The following RHCG variants were observed in gnomAD, a reference collection of about 807,000 sequenced individuals.
RHCG encodes the protein Rh family C glycoprotein.
A neutral mutation model predicts 55.3 loss-of-function variants in RHCG; 39 were observed. The ratio of observed to expected loss-of-function variants is 0.70; its 90% CI spans 0.55 to 0.92. The LOEUF (loss-of-function observed/expected upper bound fraction) is 0.92, where lower values mean the gene tolerates loss of function less well. Among genes scored for constraint, RHCG ranks in the 40% least tolerant of loss-of-function variants. RHCG has a pLI of 0.00. For missense variants in RHCG, 635 were observed against 627.9 expected, an observed-to-expected ratio of 1.01 and a Z score of -0.12; for synonymous variants, 250 against 246.8, an observed-to-expected ratio of 1.01 and a Z score of -0.12.
chr15:89,480,214 C>T (rs753600684), intron 4 of RHCG, 47 bp downstream of exon 4: 2 of 1,611,126 alleles, frequency 1.2e-6, no homozygotes, highest in African/African-American at 1.3e-5. Context: ...CCATCATGGC[C>T]ACCTTCACCC....
At chr15:89,472,319 T>G in intron 10 of RHCG, among the ~76,000 whole-genome samples, 1 of 152,248 alleles carries the variant, frequency 6.6e-6, no homozygotes, top group African/African-American at 2.4e-5. Flanking sequence ...GTGGGTCTCA[T>G]CTGAGCTGAG....
At chr15:89,478,620 C>G (rs972316599) in intron 5 of RHCG, among the ~76,000 whole-genome samples, 1 of 152,148 alleles carries the variant, frequency 6.6e-6, no homozygotes, top group Admixed American at 6.5e-5. Context: ...TGACCCTATT[C>G]CATGTCCCTT....
intron 2 of RHCG, chr15:89,486,416 G>T: frequency 2.2e-6 from 1 of 457,848 alleles, no homozygotes; most frequent in Non-Finnish European, 4.4e-6. Context: ...GCCGGGCCCG[G>T]TCGGACCCTG....
rs973255701 is a variant in RHCG at position 89,480,269 on chromosome 15, G to A, written c.662C>T (p.Ala221Val). The A allele has an allele frequency of 4.3e-6, 7 of 1,613,896 alleles. No homozygotes were observed. The highest frequency in any genetic ancestry group is 1.3e-5 in the African/African-American group (1 of 74,900). The change falls in exon 4 of 11, where the codon GCC becomes GTC. Residue 221 changes from alanine to valine, a missense_variant. Physicochemically the swap from Ala to Val is moderately conservative, Grantham distance 64. Transcript: ENST00000268122. Reference protein sequence around the residue: ...QNSVYQSDLFAMIGTLFLWMY... With the variant: ...QNSVYQSDLFVMIGTLFLWMY... ...ATGATGGCAGTTCTCACCAATCATG[G>A]CAAAGAGGTCCGACTGGTACACAGA...
In RHCG at chr15:89,479,372, T is replaced by C. The variant is rs917387413; in HGVS notation, c.787A>G (p.Thr263Ala). The part of the protein sequence containing the change: ...TYCSLAACVL[T>A]SVAISSALHK... ...AGGGCACTGGATATTGCCACCGAGG[T>C]AAGCACGCAGGCTGCCAAGGAGCAG... The change falls in exon 5 of 11, where the codon ACC (threonine) becomes GCC (alanine). Residue 263 changes from threonine to alanine, a missense_variant. Coordinates refer to ENST00000268122, the MANE Select transcript of RHCG (RefSeq NM_016321.3). The C allele has an allele frequency of 8.7e-6, 14 of 1,614,002 alleles. No homozygotes were observed. The highest frequency in any genetic ancestry group is 1.2e-5 in the Non-Finnish European group (14 of 1,180,042).
chr15:89,474,776 TCCTG>T (rs1210719136), intron 9 of RHCG, among the ~76,000 whole-genome samples: 4 of 146,044 alleles, frequency 2.7e-5, no homozygotes, highest in Non-Finnish European at 4.5e-5. Context: ...CTTCCTTCCT[TCCTG>T]CCTGCCTTCC....
chr15:89,496,338 G>T (rs376507220), intron 1 of RHCG, 23 bp downstream of exon 1: 5 of 1,612,708 alleles, frequency 3.1e-6, no homozygotes, highest in East Asian at 2.2e-5. Context: ...GCCTCCGCTG[G>T]GCCTGCAGGC....
At chr15:89,483,324 T>C (rs1296438208) in intron 2 of RHCG, 107 bp from the exon 3 acceptor site, 2 of 1,064,156 alleles carry the variant, frequency 1.9e-6, no homozygotes, top group Non-Finnish European at 2.6e-6. Context: ...TTAACCTTTC[T>C]GAGCTTCAGT....
chr15:89,495,919 G>C (rs1408343770), intron 1 of RHCG, among the ~76,000 whole-genome samples: 1 of 152,198 alleles, frequency 6.6e-6, no homozygotes, highest in African/African-American at 2.4e-5. Context: ...CAAGCTAAAA[G>C]GGGGTGGGTG....
At chr15:89,483,772 C>T (rs1961310807) in intron 2 of RHCG, among the ~76,000 whole-genome samples, 1 of 152,054 alleles carries the variant, frequency 6.6e-6, no homozygotes, top group African/African-American at 2.4e-5. Context: ...GGGGGGCCTT[C>T]CTGCAGGAAG....
chr15:89,483,971 C>T (rs956825677), intron 2 of RHCG, among the ~76,000 whole-genome samples: 4 of 152,198 alleles, frequency 2.6e-5, no homozygotes, highest in Admixed American at 6.5e-5. Flanking sequence ...CATCCATGTG[C>T]CCACTTTGCC....
At chr15:89,495,630 T>G (rs541392665) in intron 1 of RHCG, among the ~76,000 whole-genome samples, 2 of 152,180 alleles carry the variant, frequency 1.3e-5, no homozygotes, top group African/African-American at 4.8e-5. Flanking sequence ...TGCTCCATTA[T>G]GAAGAAAGGA....
At chr15:89,481,088 C>T (rs1961258121) in intron 3 of RHCG, among the ~76,000 whole-genome samples, 1 of 152,192 alleles carries the variant, frequency 6.6e-6, no homozygotes, top group African/African-American at 2.4e-5. Flanking sequence ...TAGCAGATGC[C>T]TCTACTAGCT....
At chr15:89,478,974 C>T (rs1229279056) in intron 5 of RHCG, among the ~76,000 whole-genome samples, 1 of 152,102 alleles carries the variant, frequency 6.6e-6, no homozygotes, top group African/African-American at 2.4e-5. Flanking sequence ...GTAGCCTGCA[C>T]CTGCAGTCCC....
chr15:89,486,720 C>T lies in RHCG; in HGVS notation c.371+79G>A. The stretch of plus-strand genomic sequence containing the variant: ...CAAGCCCGGGTCCCGCCGATGGGCA[C>T]GCCCTCCTCCCTCAGGCTCACCTGC... On this transcript the variant is annotated intron_variant, in intron 2 of 10. Transcript: ENST00000268122. 6.8e-6 allele frequency: 10 copies of T among 1,480,110 alleles called. No homozygotes were observed. In the South Asian group the frequency reaches 1.3e-4, roughly 19 times the overall value. The allele number at this position is 1,480,110 out of a possible 1,614,324, so 91.7% of individuals were successfully genotyped here.
Position 89,477,393 on chromosome 15 carries a change from C to A in RHCG, c.1112+124G>T. 1 of 1,436,058 alleles carries A rather than the reference C, an allele frequency of 7.0e-7. No individual in the cohort carries two copies. The highest frequency in any genetic ancestry group is 1.3e-5 in the South Asian group (1 of 75,960). 89.0% of individuals were successfully genotyped at this position (1,436,058 alleles called of 1,614,324 possible). On this transcript the variant is annotated intron_variant, in intron 7 of 10. Coordinates refer to ENST00000268122, the MANE Select transcript of RHCG (RefSeq NM_016321.3). The surrounding 1 kb of genome is among the most constrained non-coding windows in gnomAD (Gnocchi z 4.5). ...AGTTTGGGGAGAGAGACCCATGAAA[C>A]AATTGGTCCAGAGTGGGGAAGGAAA...
At chr15:89,490,935 G>A (rs1961463595) in intron 1 of RHCG, among the ~76,000 whole-genome samples, 1 of 152,168 alleles carries the variant, frequency 6.6e-6, no homozygotes, top group Non-Finnish European at 1.5e-5. Context: ...CACAAGCTGA[G>A]AACTGGCTGT....
In RHCG at chr15:89,480,253, G is replaced by C. The variant is rs962842054; in HGVS notation, c.670+8C>G. Reference sequence around the variant, plus strand: ...ATGGTGGCCCTCGGTCATGATGGCAGTTCTCACCAATCATGGCAAAGAGGT... The same window carrying C: ...ATGGTGGCCCTCGGTCATGATGGCACTTCTCACCAATCATGGCAAAGAGGT... On this transcript the variant is annotated splice_region_variant and intron_variant, in intron 4 of 10. Coordinates refer to ENST00000268122, the MANE Select transcript of RHCG (RefSeq NM_016321.3). 2.5e-6 allele frequency: 4 copies of C among 1,613,880 alleles called. No individual in the cohort carries two copies. Among genetic ancestry groups the C allele is most frequent in the Middle Eastern group, 1.6e-4 (1 of 6,062 alleles).
In RHCG at chr15:89,496,578, C is replaced by A. The variant is rs775206093; in HGVS notation, c.-34G>T. On this transcript the variant is annotated 5_prime_UTR_variant, in exon 1 of 11. Coordinates refer to ENST00000268122, the MANE Select transcript of RHCG (RefSeq NM_016321.3). Reference sequence around the variant, plus strand: ...GGTGCCTGGCCGGGCTGGCAGCGGGCGGTTCGGACGCTCGGAGGCCGGCGG... The same window carrying A: ...GGTGCCTGGCCGGGCTGGCAGCGGGAGGTTCGGACGCTCGGAGGCCGGCGG... 2 of 1,590,172 alleles carry A rather than the reference C, an allele frequency of 1.3e-6. No individual in the cohort carries two copies. The highest frequency in any genetic ancestry group is 1.1e-5 in the South Asian group (1 of 89,998).
Sources: gnomAD v4.1 joint callset for allele counts (sites outside exome capture counted in the v4.1 genomes callset) on GRCh38, gnomAD v4.1.1 for gene constraint, Gnocchi (gnomAD v3.1) non-coding constraint, MANE v1.5 for transcripts, NCBI Gene and HGNC (gene_info 2026-07-23, HGNC 2026-07-21) for gene names.